Variants in TMEM40 observed in about 807,000 individuals in gnomAD.
TMEM40 encodes transmembrane protein 40.
TMEM40 carries 34 observed loss-of-function variants against 40.8 expected under a neutral mutation model. The observed-to-expected ratio is 0.83, with a 90% CI of 0.63 to 1.11. The LOEUF (loss-of-function observed/expected upper bound fraction) is 1.11. Ranked by LOEUF, TMEM40 falls within the 50% of genes least tolerant of loss-of-function variation. The pLI, the probability that TMEM40 is intolerant of heterozygous loss-of-function variation, is 0.00. For synonymous variants in TMEM40, 106 were observed against 107.0 expected, an observed-to-expected ratio of 0.99 and a Z score of 0.06; for missense variants, 296 against 280.2, an observed-to-expected ratio of 1.06 and a Z score of -0.40.
chr3:12,753,662 C>A (rs1187838287), intron 1 of TMEM40, among the ~76,000 whole-genome samples: 1 of 152,178 alleles, frequency 6.6e-6, no homozygotes, highest in Non-Finnish European at 1.5e-5. Flanking sequence ...CAGCTGCCCC[C>A]TGGTTAGAGG....
chr3:12,742,347 G>A, intron 5 of TMEM40, 107 bp downstream of exon 5: 2 of 1,337,078 alleles, frequency 1.5e-6, no homozygotes, highest in Middle Eastern at 1.9e-4. Context: ...GTATTTGGCT[G>A]GGACTTTTCA....
At chr3:12,743,480 A>G (rs1040353979) in intron 4 of TMEM40, among the ~76,000 whole-genome samples, 1 of 152,202 alleles carries the variant, frequency 6.6e-6, no homozygotes, top group African/African-American at 2.4e-5. Flanking sequence ...AAAAATAAAT[A>G]AATAAAATAA....
intron 1 of TMEM40, among the ~76,000 whole-genome samples, chr3:12,765,817 C>A (rs574197472): frequency 6.6e-6 from 1 of 152,042 alleles, no homozygotes; most frequent in Admixed American, 6.5e-5. Context: ...CATCTGCCCG[C>A]CTCCCAAAGT....
In TMEM40 at chr3:12,744,086, G is replaced by A. The variant is rs1559527548; in HGVS notation, c.212-97C>T. On this transcript the variant is annotated intron_variant, in intron 3 of 11. Transcript: ENST00000314124. ...GCCATTCTCAGAATTTAGTTTATGAGAAGAGTGTGGTTTGGTGGGAGGAAC... is the reference window on the plus strand; with the variant it reads ...GCCATTCTCAGAATTTAGTTTATGAAAAGAGTGTGGTTTGGTGGGAGGAAC... 1.9e-5 allele frequency: 24 copies of A among 1,290,818 alleles called. No individual in the cohort carries two copies. The East Asian group carries it at 6.2e-4, about 33-fold the overall frequency. 80.0% of individuals were successfully genotyped at this position (1,290,818 alleles called of 1,614,324 possible). A position where few individuals can be genotyped will look rare whatever the true frequency, so the allele number is the denominator to read the frequency against.
intron 2 of TMEM40, 100 bp downstream of exon 2, chr3:12,749,660 T>C: frequency 9.8e-7 from 1 of 1,024,790 alleles, no homozygotes; most frequent in Admixed American, 2.2e-5. Context: ...TTTGAGGCCC[T>C]GTGCAACGTG....
intron 3 of TMEM40, among the ~76,000 whole-genome samples, chr3:12,748,038 A>C (rs997479253): frequency 2.0e-5 from 3 of 152,120 alleles, no homozygotes; most frequent in Non-Finnish European, 4.4e-5. Flanking sequence ...AAGCTTTCGC[A>C]CAAGGATGCT....
At chr3:12,735,197 T>C (rs2061328859) in intron 11 of TMEM40, among the ~76,000 whole-genome samples, 1 of 152,230 alleles carries the variant, frequency 6.6e-6, no homozygotes, top group African/African-American at 2.4e-5. Flanking sequence ...CAGTTGCTAT[T>C]AGGCAAGTAC....
chr3:12,754,678 T>G (rs2061505539), intron 1 of TMEM40, among the ~76,000 whole-genome samples: 1 of 152,218 alleles, frequency 6.6e-6, no homozygotes, highest in Admixed American at 6.5e-5. Flanking sequence ...GAATAAGTTC[T>G]GGACAGACAA....
chr3:12,742,957 A>C (rs1461363567), intron 4 of TMEM40, among the ~76,000 whole-genome samples: 2 of 152,174 alleles, frequency 1.3e-5, no homozygotes, highest in African/African-American at 4.8e-5. Flanking sequence ...TGGCAACTCT[A>C]CCAGGTCTGT....
intron 3 of TMEM40, among the ~76,000 whole-genome samples, chr3:12,747,047 C>G (rs1274732154): frequency 1.3e-5 from 2 of 152,122 alleles, no homozygotes; most frequent in Non-Finnish European, 2.9e-5. Flanking sequence ...GGCTTCCTTT[C>G]CAGTGCCATG....
intron 1 of TMEM40, among the ~76,000 whole-genome samples, chr3:12,753,809 C>T (rs931457697): frequency 2.6e-5 from 4 of 152,190 alleles, no homozygotes; most frequent in South Asian, 2.1e-4. Context: ...TCTGTACCCA[C>T]GGGTCCTGCT....
intron 2 of TMEM40, among the ~76,000 whole-genome samples, chr3:12,749,116 T>C (rs1022574495): frequency 1.3e-5 from 2 of 151,958 alleles, no homozygotes; most frequent in Non-Finnish European, 1.5e-5. Flanking sequence ...GCTCTGCCTC[T>C]CGGGTTCATG....
chr3:12,738,162 C>T lies in TMEM40; in HGVS notation c.398G>A (p.Arg133Gln), dbSNP rs144017136. Residue 133 changes from arginine (R) to glutamine (Q), a missense_variant, in exon 7 of 12, where the codon CGA becomes CAA. Arg to Gln is a conservative substitution (Grantham distance 43). Transcript: ENST00000314124. ...ACTTGCTGGGTCAGAGCCTCTCCTT[C>T]GGAGTCCTGGAAACAAGAAACTCAA... The part of the protein sequence containing the change: ...EVVPSGESGL[R>Q]RRGSDPASGE... The T allele has an allele frequency of 1.3e-5, 21 of 1,613,828 alleles. No individual in the cohort carries two copies. In the African/African-American group the frequency reaches 1.5e-4, roughly 11 times the overall value.
At chr3:12,740,072 T>G (rs1239181705) in intron 5 of TMEM40, among the ~76,000 whole-genome samples, 1 of 142,534 alleles carries the variant, frequency 7.0e-6, no homozygotes, top group African/African-American at 2.7e-5. Flanking sequence ...ATTATAAATA[T>G]TATATATTTA....
chr3:12,763,231 A>G (rs948781846), upstream of TMEM40, among the ~76,000 whole-genome samples: 7 of 150,584 alleles, frequency 4.6e-5, no homozygotes, highest in Non-Finnish European at 8.8e-5. Flanking sequence ...ACTGTTCATT[A>G]CCTTCTGTTT....
chr3:12,738,240 A>G (rs905789120), intron 6 of TMEM40, 72 bp from the exon 7 acceptor site: 18 of 1,551,620 alleles, frequency 1.2e-5, no homozygotes, highest in Non-Finnish European at 1.5e-5. Flanking sequence ...CACCCTGGGG[A>G]AGGCTATAGG....
At chr3:12,768,907 C>CGGGCCGGGGCCG (rs1217849165) in intron 1 of TMEM40, among the ~76,000 whole-genome samples, 2 of 26,518 alleles carry the variant, frequency 7.5e-5, no homozygotes, top group Non-Finnish European at 1.0e-4. Context: ...CGGGGCAGGG[C>CGGGCCGGGGCCG]GGGCCGGGGC....
rs536559162 is a variant in TMEM40, at chr3:12,748,253, G to A, written c.211+402C>T. Among the ~76,000 whole-genome samples, 19 of 152,338 alleles carry A rather than the reference G, an allele frequency of 1.2e-4. No homozygotes were observed. The East Asian group carries it at 2.3e-3, about 19-fold the overall frequency. On this transcript the variant is annotated intron_variant, in intron 3 of 11. Transcript: ENST00000314124. ...GGGGTTGAGCAGTTTACCCAAGGAC[G>A]TGTAGCTACTTAGTGGTAGAGACAG... is the stretch of plus-strand genomic sequence containing the variant.
At chr3:12,747,928 A>AG (rs1266913303) in intron 3 of TMEM40, among the ~76,000 whole-genome samples, 8 of 151,148 alleles carry the variant, frequency 5.3e-5, no homozygotes, top group Non-Finnish European at 1.2e-4. Context: ...AAAAAAAAAA[A>AG]AAAAAAAAGA....
Sources: allele counts gnomAD v4.1 joint callset (sites outside exome capture counted in the v4.1 genomes callset), GRCh38; gene constraint gnomAD v4.1.1; transcripts MANE v1.5; gene names NCBI Gene and HGNC (gene_info 2026-07-23, HGNC 2026-07-21).